The following FAM3C variants were observed in gnomAD, a reference collection of about 807,000 sequenced individuals.
FAM3C encodes protein FAM3C.
A neutral mutation model predicts 32.5 loss-of-function variants in FAM3C; 15 were observed. The ratio of observed to expected loss-of-function variants is 0.46; its 90% CI spans 0.31 to 0.71. The LOEUF (loss-of-function observed/expected upper bound fraction) is 0.71. Ranked by LOEUF, FAM3C falls within the 30% of genes least tolerant of loss-of-function variation. FAM3C has a pLI of 0.05. For synonymous variants in FAM3C, 75 were observed against 86.1 expected (o/e 0.87, Z 0.72); for missense variants, 175 against 274.4 (o/e 0.64, Z 2.56).
At chr7:121,391,147 C>A (rs537619663) in intron 1 of FAM3C, among the ~76,000 whole-genome samples, 17 of 152,274 alleles carry the variant, frequency 1.1e-4, no homozygotes, top group African/African-American at 3.6e-4. Context: ...TTATAATCCA[C>A]TTAACGAAAT....
chr7:121,374,293 A>T (rs1794201153), intron 3 of FAM3C, among the ~76,000 whole-genome samples: 1 of 152,236 alleles, frequency 6.6e-6, no homozygotes, highest in Non-Finnish European at 1.5e-5. Context: ...ATCTCAAAAT[A>T]AAGTTTTATA....
At chr7:121,373,645 A>C (rs1236021142) in intron 3 of FAM3C, among the ~76,000 whole-genome samples, 4 of 152,346 alleles carry the variant, frequency 2.6e-5, no homozygotes, top group Non-Finnish European at 4.4e-5. Context: ...TTAGTTGTTA[A>C]TAATGTCTCA....
At chr7:121,360,239 A>G (rs1793892812) in intron 7 of FAM3C, 112 bp from the exon 8 acceptor site, 3 of 630,540 alleles carry the variant, frequency 4.8e-6, no homozygotes, top group Non-Finnish European at 5.7e-6. Context: ...ATAATTTCCA[A>G]TGTAAAGTAA....
At chr7:121,369,295 A>G (rs1794094930) in intron 5 of FAM3C, among the ~76,000 whole-genome samples, 1 of 152,066 alleles carries the variant, frequency 6.6e-6, no homozygotes, top group African/African-American at 2.4e-5. Context: ...GTCACAATTT[A>G]TAAGTACGTA....
chr7:121,352,364 C>G (rs1234572011), intron 8 of FAM3C, among the ~76,000 whole-genome samples: 1 of 152,074 alleles, frequency 6.6e-6, no homozygotes. Flanking sequence ...CTACATATAT[C>G]ATTAAACTTT....
chr7:121,384,410 T>C (rs1389804030), intron 1 of FAM3C, among the ~76,000 whole-genome samples: 4 of 152,216 alleles, frequency 2.6e-5, no homozygotes, highest in South Asian at 2.1e-4. Flanking sequence ...AAATCCTCTG[T>C]TGGCTTCTGG....
At chr7:121,373,879 T>A (rs573429016) in intron 3 of FAM3C, among the ~76,000 whole-genome samples, 1 of 149,090 alleles carries the variant, frequency 6.7e-6, no homozygotes, top group Admixed American at 6.6e-5. Context: ...AAAAAAAAAA[T>A]TAGCCGGGCG....
At chr7:121,350,630 C>T (rs1793685488) in intron 9 of FAM3C, 80 bp from the exon 10 acceptor site, 1 of 1,382,278 alleles carries the variant, frequency 7.2e-7, no homozygotes, top group Non-Finnish European at 1.0e-6. Context: ...ACACACTTCT[C>T]ATTTCAGTAA....
At chr7:121,386,902 C>T (rs1186971790) in intron 1 of FAM3C, among the ~76,000 whole-genome samples, 2 of 151,958 alleles carry the variant, frequency 1.3e-5, no homozygotes, top group African/African-American at 4.8e-5. Flanking sequence ...CATTTACAAA[C>T]AAAAGCATGG....
chr7:121,351,805 T>C (rs1353643532), intron 8 of FAM3C, among the ~76,000 whole-genome samples: 1 of 152,158 alleles, frequency 6.6e-6, no homozygotes, highest in Non-Finnish European at 1.5e-5. Context: ...AGTGGTTACT[T>C]AATAAAAATG....
chr7:121,371,293 G>A lies in FAM3C; in HGVS notation c.272+7C>T, dbSNP rs1208475945. 1.9e-6 allele frequency: 3 copies of A among 1,612,354 alleles called. No individual in the cohort carries two copies. The Admixed American group carries it at 5.0e-5, about 27-fold the overall frequency. On this transcript the variant is annotated splice_region_variant and intron_variant, in intron 5 of 9. Transcript: ENST00000359943. ...CACCTTATCGTCTCAAGTCAACAAA[G>A]ACTTACACATTATCTTCCAGGCAGA...
At chr7:121,361,741 T>C (rs1475182043) in intron 7 of FAM3C, among the ~76,000 whole-genome samples, 9 of 152,226 alleles carry the variant, frequency 5.9e-5, no homozygotes, top group Admixed American at 5.9e-4. Context: ...AGTGGCAAGA[T>C]CTCGGCTCAC....
intron 7 of FAM3C, among the ~76,000 whole-genome samples, chr7:121,360,419 C>T (rs922738592): frequency 2.6e-5 from 4 of 152,064 alleles, no homozygotes; most frequent in South Asian, 4.1e-4. Flanking sequence ...GCATGACTTA[C>T]GAAGTAAGAA....
intron 5 of FAM3C, among the ~76,000 whole-genome samples, chr7:121,366,949 G>A (rs1354193365): frequency 1.3e-4 from 20 of 152,066 alleles, no homozygotes; most frequent in Admixed American, 1.2e-3. Flanking sequence ...AGTATGATGT[G>A]GCATTTTACA....
At chr7:121,389,912 G>A (rs1375270474) in intron 1 of FAM3C, among the ~76,000 whole-genome samples, 1 of 152,160 alleles carries the variant, frequency 6.6e-6, no homozygotes, top group Non-Finnish European at 1.5e-5. Context: ...CTGGAAATGA[G>A]TAGGATGAAA....
At chr7:121,385,880 T>C (rs530241895) in intron 1 of FAM3C, among the ~76,000 whole-genome samples, 2 of 152,198 alleles carry the variant, frequency 1.3e-5, no homozygotes, top group Non-Finnish European at 2.9e-5. Flanking sequence ...CAGCCTCTAG[T>C]TGCTGGGGGC....
chr7:121,378,096 G>C (rs551485397), intron 3 of FAM3C, among the ~76,000 whole-genome samples: 204 of 152,260 alleles, frequency 1.3e-3, no homozygotes, highest in Non-Finnish European at 2.4e-3. Flanking sequence ...ACAATTATTT[G>C]AGATTCAATA....
chr7:121,355,423 TA>T (rs1249968036), intron 8 of FAM3C, among the ~76,000 whole-genome samples: 1 of 152,134 alleles, frequency 6.6e-6, no homozygotes, highest in Non-Finnish European at 1.5e-5. Flanking sequence ...CCAATAAAAC[TA>T]ATGTGAATTC....
At chr7:121,378,853 TA>T (rs1794293856) in intron 3 of FAM3C, 56 bp downstream of exon 3, 2 of 883,210 alleles carry the variant, frequency 2.3e-6, no homozygotes, top group Middle Eastern at 3.5e-4. Flanking sequence ...TGATAACTGA[TA>T]AAACTTTAGG....
Sources: gnomAD v4.1 joint callset for allele counts (sites outside exome capture counted in the v4.1 genomes callset) on GRCh38, gnomAD v4.1.1 for gene constraint, MANE v1.5 for transcripts, NCBI Gene and HGNC (gene_info 2026-07-23, HGNC 2026-07-21) for gene names.